SMAD2: variants seen among roughly 807,000 people sequenced by gnomAD.
SMAD2 encodes MAD homolog 2.
A neutral mutation model predicts 64.4 loss-of-function variants in SMAD2; 8 were observed. That is an observed-to-expected ratio of 0.12 (90% confidence interval 0.07 to 0.22). The LOEUF (loss-of-function observed/expected upper bound fraction) is 0.22, where lower values mean the gene tolerates loss of function less well. SMAD2 is among the 10% of genes least tolerant of loss of function. The probability of loss-of-function intolerance (pLI) is 1.00; values close to 1 mark genes in which losing one functional copy is unlikely to be tolerated. For missense variants in SMAD2, 289 were observed against 561.2 expected (o/e 0.51, Z 4.90); for synonymous variants, 203 against 195.8 (o/e 1.04, Z -0.31).
chr18:47,887,180 C>T (rs367579737), intron 2 of SMAD2, among the ~76,000 whole-genome samples: 1 of 152,180 alleles, frequency 6.6e-6, no homozygotes, highest in African/African-American at 2.4e-5. Context: ...GCACAAAATC[C>T]CAAAAAGATT....
intron 1 of SMAD2, among the ~76,000 whole-genome samples, chr18:47,902,476 A>C (rs1568100307): frequency 6.6e-6 from 1 of 152,218 alleles, no homozygotes; most frequent in Non-Finnish European, 1.5e-5. Flanking sequence ...TTAATTTCAA[A>C]ATAAGACACA....
intron 1 of SMAD2, among the ~76,000 whole-genome samples, chr18:47,918,614 A>T (rs1480756224): frequency 1.3e-5 from 2 of 152,228 alleles, no homozygotes; most frequent in Non-Finnish European, 2.9e-5. Context: ...GGAAAAGACT[A>T]TACAGAGAAA....
At chr18:47,898,240 C>G (rs1405942317) in intron 1 of SMAD2, among the ~76,000 whole-genome samples, 1 of 152,164 alleles carries the variant, frequency 6.6e-6, no homozygotes, top group Non-Finnish European at 1.5e-5. Context: ...TCAAATGTGA[C>G]AGCTTTATTC....
In SMAD2 at chr18:47,830,035, A is replaced by T. The variant is rs972528632; in HGVS notation, c.*11792T>A. On this transcript the variant is annotated 3_prime_UTR_variant, in exon 11 of 11. Transcript: ENST00000262160. ...ATCCACAGTGGTTTGCAGGCCACTA[A>T]TTCTTTTACAGATGAAAGCATTCAA... 2 of 152,226 alleles carry T rather than the reference A, an allele frequency of 1.3e-5. No homozygotes were observed. The highest frequency in any genetic ancestry group is 2.9e-5 in the Non-Finnish European group (2 of 68,030). The allele number at this position is 152,226 out of a possible 1,614,324, so 9.4% of individuals were successfully genotyped here.
chr18:47,886,584 T>C (rs1392325236), intron 2 of SMAD2, among the ~76,000 whole-genome samples: 3 of 151,156 alleles, frequency 2.0e-5, no homozygotes, highest in Non-Finnish European at 4.4e-5. Context: ...TATCTATCTA[T>C]CTATCTATCT....
At chr18:47,848,794 C>T in intron 7 of SMAD2, 107 bp from the exon 8 acceptor site, 2 of 784,648 alleles carry the variant, frequency 2.5e-6, no homozygotes, top group Non-Finnish European at 4.2e-6. Flanking sequence ...TGCCAGCCTG[C>T]ACTGGCAAAA....
intron 1 of SMAD2, among the ~76,000 whole-genome samples, chr18:47,915,948 A>G (rs2144527469): frequency 6.6e-6 from 1 of 152,242 alleles, no homozygotes; most frequent in East Asian, 1.9e-4. Flanking sequence ...GTTCTCTTGT[A>G]TTCATTTCCT....
chr18:47,914,187 C>T (rs1598887112), intron 1 of SMAD2, among the ~76,000 whole-genome samples: 3 of 152,238 alleles, frequency 2.0e-5, no homozygotes, highest in South Asian at 4.2e-4. Context: ...GACATAAACC[C>T]TATCACTGAG....
chr18:47,840,069 A>C lies in SMAD2; in HGVS notation c.*1758T>G. The C allele has an allele frequency of 4.3e-6, 1 of 233,262 alleles. No homozygotes were observed. The allele number at this position is 233,262 out of a possible 1,614,324, so 14.4% of individuals were successfully genotyped here. On this transcript the variant is annotated 3_prime_UTR_variant, in exon 11 of 11. Coordinates refer to ENST00000262160, the MANE Select transcript of SMAD2 (RefSeq NM_005901.6). ...GAAAAGTTCCTGGTACAAACAGGTGAACAATAAATATTTGTTGAATGAATA... is the reference window on the plus strand; with the variant it reads ...GAAAAGTTCCTGGTACAAACAGGTGCACAATAAATATTTGTTGAATGAATA...
chr18:47,920,406 TTC>T lies in SMAD2; in HGVS notation c.-54+9953_-54+9954del, dbSNP rs147012225. On this transcript the variant is annotated intron_variant, in intron 1 of 10. Coordinates refer to ENST00000262160, the MANE Select transcript of SMAD2 (RefSeq NM_005901.6). ...TTAAAAACCATTGAAATATTTAACA[TTC>T]TGTTTTTGTACTGTTAGAAAATTGG... is the stretch of plus-strand genomic sequence containing the variant. Among the ~76,000 whole-genome samples, 336 of 152,368 alleles carry T rather than the reference TTC, an allele frequency of 2.2e-3. 2 individuals are homozygous for T. Among genetic ancestry groups the T allele is most frequent in the African/African-American group, 7.5e-3 (312 of 41,596 alleles).
intron 7 of SMAD2, among the ~76,000 whole-genome samples, chr18:47,850,263 A>T (rs1190503293): frequency 2.6e-5 from 2 of 78,422 alleles, no homozygotes; most frequent in Admixed American, 2.4e-4. Context: ...TATTATGTAT[A>T]ATATATATTA....
intron 1 of SMAD2, among the ~76,000 whole-genome samples, chr18:47,906,407 T>C (rs1224584418): frequency 6.6e-6 from 1 of 152,208 alleles, no homozygotes; most frequent in Non-Finnish European, 1.5e-5. Context: ...CTCAGCTTTT[T>C]TGTTAAACAG....
intron 6 of SMAD2, among the ~76,000 whole-genome samples, chr18:47,862,620 A>T (rs968494360): frequency 6.6e-6 from 1 of 152,180 alleles, no homozygotes; most frequent in Admixed American, 6.5e-5. Context: ...TACATTTACA[A>T]AGATGCTACT....
At chr18:47,893,827 A>G (rs766020415) in intron 2 of SMAD2, among the ~76,000 whole-genome samples, 30 of 152,234 alleles carry the variant, frequency 2.0e-4, no homozygotes, top group Non-Finnish European at 3.7e-4. Context: ...ATGATCAATA[A>G]TAACAAATCT....
At chr18:47,899,506 A>G (rs1162150523) in intron 1 of SMAD2, among the ~76,000 whole-genome samples, 1 of 152,210 alleles carries the variant, frequency 6.6e-6, no homozygotes, top group Non-Finnish European at 1.5e-5. Flanking sequence ...TTATAGCAAC[A>G]CAACATGGTA....
intron 1 of SMAD2, among the ~76,000 whole-genome samples, chr18:47,914,781 C>T (rs1416263661): frequency 1.3e-5 from 2 of 151,984 alleles, no homozygotes; most frequent in African/African-American, 4.8e-5. Context: ...GTCAGGGTGA[C>T]CCCCCTTCCT....
rs117181312 is a variant in SMAD2, at chr18:47,918,281, G to T, written c.-54+12080C>A. 2.8e-3 allele frequency among the ~76,000 whole-genome samples: 420 copies of T among 152,266 alleles called. 5 individuals are homozygous for T. The highest frequency in any genetic ancestry group is 2.7e-3 in the Admixed American group (42 of 15,290). On this transcript the variant is annotated intron_variant, in intron 1 of 10. Transcript: ENST00000262160. ...AGAGGGTGTGAATGAACATGAGCAC[G>T]CTGTGTTAAATGTCGACTCCCAAAC...
At chr18:47,901,273 A>G (rs375566792) in intron 1 of SMAD2, among the ~76,000 whole-genome samples, 12 of 152,234 alleles carry the variant, frequency 7.9e-5, no homozygotes, top group African/African-American at 2.9e-4. Flanking sequence ...CTCTTTTTCT[A>G]CTACTGTTTA....
intron 7 of SMAD2, among the ~76,000 whole-genome samples, chr18:47,849,380 A>C (rs1439721926): frequency 6.6e-6 from 1 of 152,100 alleles, no homozygotes; most frequent in African/African-American, 2.4e-5. Context: ...AAAAGAAAAA[A>C]ACCTCACAAT....
Sources: allele counts gnomAD v4.1 joint callset (sites outside exome capture counted in the v4.1 genomes callset), GRCh38; gene constraint gnomAD v4.1.1; transcripts MANE v1.5; gene names NCBI Gene and HGNC (gene_info 2026-07-23, HGNC 2026-07-21).